The following LINGO2 variants were observed in gnomAD, a reference collection of about 807,000 sequenced individuals.
LINGO2 encodes the protein leucine-rich repeat and immunoglobulin-like domain-containing nogo receptor-interacting protein 2.
Under a neutral mutation model 30.6 loss-of-function variants are expected in LINGO2, and 14 were observed. That is an observed-to-expected ratio of 0.46 (90% CI 0.30 to 0.72). The LOEUF (loss-of-function observed/expected upper bound fraction) is 0.72. Ranked by LOEUF, LINGO2 falls within the 30% of genes least tolerant of loss-of-function variation. The pLI is 0.07. For missense variants in LINGO2, 729 were observed against 751.7 expected (o/e 0.97, Z 0.35); for synonymous variants, 317 against 288.5 (o/e 1.10, Z -1.00).
At chr9:28,006,196 A>T (rs1047115808) in intron 5 of LINGO2, among the ~76,000 whole-genome samples, 1 of 152,218 alleles carries the variant, frequency 6.6e-6, no homozygotes, top group African/African-American at 2.4e-5. Flanking sequence ...CATTTCTTGC[A>T]AACATTTATC....
chr9:28,494,351 A>C (rs1819504475), intron 1 of LINGO2, among the ~76,000 whole-genome samples: 1 of 151,942 alleles, frequency 6.6e-6, no homozygotes. Context: ...GTATCTCCTA[A>C]TGTTATCCCT....
chr9:28,490,136 C>A (rs1826338863), intron 1 of LINGO2, among the ~76,000 whole-genome samples: 1 of 152,008 alleles, frequency 6.6e-6, no homozygotes, highest in Admixed American at 6.6e-5. Context: ...TCGAATCCTA[C>A]CCCAGTAGGT....
intron 1 of LINGO2, among the ~76,000 whole-genome samples, chr9:28,479,951 A>ATGTAGG (rs1825890763): frequency 8.0e-6 from 1 of 124,720 alleles, no homozygotes; most frequent in African/African-American, 2.9e-5. Context: ...ATATATATAT[A>ATGTAGG]TATATGTACA....
the LINGO2 span, among the ~76,000 whole-genome samples, chr9:28,675,641 C>T: frequency 1.7e-4 from 26 of 151,728 alleles, no homozygotes; most frequent in East Asian, 9.7e-4. Flanking sequence ...GAGGCTGAGA[C>T]GAGCAGATCA....
chr9:28,064,398 A>T (rs2133140636), intron 4 of LINGO2, among the ~76,000 whole-genome samples: 1 of 152,192 alleles, frequency 6.6e-6, no homozygotes, highest in African/African-American at 2.4e-5. Context: ...CTGAGCAGAA[A>T]TGGGACGAAG....
At chr9:28,017,499 T>C (rs1002964269) in intron 4 of LINGO2, among the ~76,000 whole-genome samples, 4 of 152,130 alleles carry the variant, frequency 2.6e-5, no homozygotes, top group African/African-American at 9.7e-5. Flanking sequence ...AATTTCAGGA[T>C]ACAAAAATAA....
At chr9:29,171,558 T>C in the LINGO2 span, among the ~76,000 whole-genome samples, 1 of 151,874 alleles carries the variant, frequency 6.6e-6, no homozygotes, top group Non-Finnish European at 1.5e-5. Context: ...ATATGGTATA[T>C]ATAATATTAA....
At chr9:28,405,114 A>T (rs972056791) in intron 2 of LINGO2, among the ~76,000 whole-genome samples, 2 of 152,208 alleles carry the variant, frequency 1.3e-5, no homozygotes, top group African/African-American at 4.8e-5. Flanking sequence ...ATCCCTGCCA[A>T]GGGATCTTAT....
Position 28,555,984 on chromosome 9 carries a change from T to C in LINGO2, c.-364-79959A>G, listed in dbSNP as rs559886058. Among the ~76,000 whole-genome samples, 46 of 152,216 alleles carry C rather than the reference T, an allele frequency of 3.0e-4. No individual in the cohort carries two copies. The South Asian group carries it at 6.4e-3, about 21-fold the overall frequency. ...AAACTCTCAATAAATTAGGTATTGA[T>C]GGGACATATTTCAAAATAATATGAG... On this transcript the variant is annotated intron_variant, in intron 1 of 5. Coordinates refer to ENST00000379992, the Ensembl canonical transcript of LINGO2.
At chr9:28,581,702 A>T (rs966504451) in intron 1 of LINGO2, among the ~76,000 whole-genome samples, 5 of 151,834 alleles carry the variant, frequency 3.3e-5, no homozygotes, top group Non-Finnish European at 5.9e-5. Flanking sequence ...ACACACACAC[A>T]AGAATGCATC....
At chr9:28,498,662 T>G (rs749780941) in intron 1 of LINGO2, among the ~76,000 whole-genome samples, 6 of 152,022 alleles carry the variant, frequency 3.9e-5, no homozygotes, top group Non-Finnish European at 8.8e-5. Flanking sequence ...GCACCCACTG[T>G]CCTGCACCCA....
At chr9:28,510,986 G>GT (rs1210613126) in intron 1 of LINGO2, among the ~76,000 whole-genome samples, 6 of 151,800 alleles carry the variant, frequency 4.0e-5, no homozygotes, top group Non-Finnish European at 5.9e-5. Context: ...TCTTTTTCTT[G>GT]TTTTTTTGCC....
chr9:28,398,002 A>G (rs1822122249), intron 2 of LINGO2, among the ~76,000 whole-genome samples: 1 of 152,260 alleles, frequency 6.6e-6, no homozygotes, highest in African/African-American at 2.4e-5. Flanking sequence ...GTTCAGTAGC[A>G]AAAGTCATAC....
chr9:28,095,506 T>A (rs1271208144), intron 4 of LINGO2, among the ~76,000 whole-genome samples: 1 of 151,982 alleles, frequency 6.6e-6, no homozygotes, highest in Non-Finnish European at 1.5e-5. Flanking sequence ...TGGCTAGCCA[T>A]ATGTAGAAAG....
At chr9:28,934,033 T>G in the LINGO2 span, among the ~76,000 whole-genome samples, 31 of 152,124 alleles carry the variant, frequency 2.0e-4, no homozygotes, top group African/African-American at 7.5e-4. Context: ...GGACATAAGG[T>G]ATAGGGGTGA....
At chr9:28,380,752 G>A (rs1482104315) in intron 2 of LINGO2, among the ~76,000 whole-genome samples, 4 of 152,060 alleles carry the variant, frequency 2.6e-5, no homozygotes, top group East Asian at 1.9e-4. Flanking sequence ...TTTTGACAGC[G>A]ATATGTAGGA....
Position 28,615,926 on chromosome 9 carries a change from G to T in LINGO2, c.-365+54274C>A, listed in dbSNP as rs559340482. Among the ~76,000 whole-genome samples, 64 of 152,088 alleles carry T rather than the reference G, an allele frequency of 4.2e-4. 1 individual carries two copies. Among genetic ancestry groups the T allele is most frequent in the Non-Finnish European group, 3.2e-4 (22 of 67,992 alleles). On this transcript the variant is annotated intron_variant, in intron 1 of 5. Coordinates refer to ENST00000379992, the Ensembl canonical transcript of LINGO2. ...AGGCAGAAAAGAATATATACTGTAT[G>T]ACTCCATGTAAATTTAAAAAACTGG...
intron 4 of LINGO2, among the ~76,000 whole-genome samples, chr9:28,108,462 G>A (rs1390196638): frequency 6.6e-6 from 1 of 151,344 alleles, no homozygotes; most frequent in Non-Finnish European, 1.5e-5. Context: ...ACTGGCCATC[G>A]ATCTTTTATA....
At chr9:29,056,235 C>T in the LINGO2 span, among the ~76,000 whole-genome samples, 4 of 151,956 alleles carry the variant, frequency 2.6e-5, no homozygotes, top group African/African-American at 9.7e-5. Flanking sequence ...AAAAGTGTTC[C>T]CTTTTCCCAT....
Sources: allele counts gnomAD v4.1 joint callset (sites outside exome capture counted in the v4.1 genomes callset), GRCh38; gene constraint gnomAD v4.1.1; transcripts MANE v1.5; gene names NCBI Gene and HGNC (gene_info 2026-07-23, HGNC 2026-07-21).